PIP5K1B: variants seen among roughly 807,000 people sequenced by gnomAD.
PIP5K1B encodes phosphatidylinositol-4-phosphate 5-kinase type 1 beta, also known as phosphatidylinositol 4-phosphate 5-kinase type-1 beta.
In PIP5K1B, 42 loss-of-function variants were observed where a neutral mutation model predicts 67.0. That is an observed-to-expected ratio of 0.63 (90% confidence interval 0.49 to 0.81). The LOEUF is 0.81. Among genes scored for constraint, PIP5K1B ranks in the 30% least tolerant of loss-of-function variants. The pLI is 0.00. For missense variants in PIP5K1B, 459 were observed against 646.3 expected (o/e 0.71, Z 3.14); for synonymous variants, 214 against 231.4 (o/e 0.92, Z 0.68).
chr9:68,999,276 C>T (rs989640369), intron 15 of PIP5K1B, among the ~76,000 whole-genome samples: 1 of 152,144 alleles, frequency 6.6e-6, no homozygotes, highest in Non-Finnish European at 1.5e-5. Context: ...AATAAGGTTA[C>T]GGTCTGAGGC....
chr9:68,983,145 CTA>C (rs1256658349), intron 14 of PIP5K1B, among the ~76,000 whole-genome samples: 6 of 152,312 alleles, frequency 3.9e-5, no homozygotes, highest in African/African-American at 1.4e-4. Context: ...AAATGTGAGA[CTA>C]TAGCACTTGC....
intron 14 of PIP5K1B, among the ~76,000 whole-genome samples, chr9:68,948,503 A>C (rs1275748449): frequency 6.6e-6 from 1 of 151,998 alleles, no homozygotes; most frequent in South Asian, 2.1e-4. Context: ...AACACATCTG[A>C]GCATGGTGGC....
At chr9:68,838,625 G>T (rs1821756823) in intron 4 of PIP5K1B, among the ~76,000 whole-genome samples, 1 of 151,986 alleles carries the variant, frequency 6.6e-6, no homozygotes, top group Non-Finnish European at 1.5e-5. Flanking sequence ...GGGGAGCAAG[G>T]GTTGAAAAAA....
chr9:68,984,842 C>T (rs1830031063), intron 14 of PIP5K1B, among the ~76,000 whole-genome samples: 1 of 152,212 alleles, frequency 6.6e-6, no homozygotes, highest in Non-Finnish European at 1.5e-5. Context: ...TTTGCGTACA[C>T]TACTTTTGTT....
chr9:68,944,325 TA>T (rs1466332016), intron 14 of PIP5K1B, among the ~76,000 whole-genome samples: 1 of 152,244 alleles, frequency 6.6e-6, no homozygotes, highest in Non-Finnish European at 1.5e-5. Context: ...ACCTCAAAGT[TA>T]AGAACAATTT....
chr9:68,716,473 A>G (rs920820459), intron 1 of PIP5K1B, among the ~76,000 whole-genome samples: 1 of 152,230 alleles, frequency 6.6e-6, no homozygotes, highest in African/African-American at 2.4e-5. Flanking sequence ...CCCAAGAAAC[A>G]TGAAAAAATG....
At chr9:68,948,356 G>A (rs1227530023) in intron 14 of PIP5K1B, among the ~76,000 whole-genome samples, 5 of 152,190 alleles carry the variant, frequency 3.3e-5, no homozygotes, top group East Asian at 3.8e-4. Flanking sequence ...ACCTGGCTGC[G>A]AGTGATGGCT....
At chr9:68,962,876 T>C (rs7020192) in intron 14 of PIP5K1B, among the ~76,000 whole-genome samples, 44,260 of 151,990 alleles carry the variant, frequency 0.29, 7,716 homozygotes, top group East Asian at 0.52. Context: ...TCTCCTTCTC[T>C]AATGAAAACA....
At chr9:68,719,288 G>T (rs765547393) in intron 1 of PIP5K1B, among the ~76,000 whole-genome samples, 9 of 152,074 alleles carry the variant, frequency 5.9e-5, no homozygotes, top group Non-Finnish European at 1.0e-4. Flanking sequence ...TGAGTATTTT[G>T]GTAACAGCTT....
At chr9:68,732,462 G>C (rs879403176) in intron 1 of PIP5K1B, among the ~76,000 whole-genome samples, 1 of 152,048 alleles carries the variant, frequency 6.6e-6, no homozygotes, top group East Asian at 1.9e-4. Flanking sequence ...CTCTTCCCAC[G>C]TCTAACTTGT....
At chr9:68,893,456 C>G (rs1824912134) in intron 7 of PIP5K1B, among the ~76,000 whole-genome samples, 1 of 151,406 alleles carries the variant, frequency 6.6e-6, no homozygotes, top group Non-Finnish European at 1.5e-5. Flanking sequence ...GCCTCAGCCT[C>G]CCGAGTAGCT....
chr9:68,712,650 GGACAGTGCTTACGT>G (rs1229743374), intron 1 of PIP5K1B, among the ~76,000 whole-genome samples: 1 of 152,214 alleles, frequency 6.6e-6, no homozygotes, highest in Admixed American at 6.5e-5. Flanking sequence ...CAGACTGAGA[GGACAGTGCTTACGT>G]GTTAGCTATG....
chr9:68,727,893 C>A (rs949057819), intron 1 of PIP5K1B, among the ~76,000 whole-genome samples: 7 of 152,176 alleles, frequency 4.6e-5, no homozygotes, highest in African/African-American at 1.7e-4. Context: ...CTGAGGCCAT[C>A]CCCTAAAGAG....
intron 2 of PIP5K1B, chr9:68,780,079 G>GCCGTATCATTAAAAAACCT: frequency 2.3e-6 from 3 of 1,324,574 alleles, no homozygotes; most frequent in Non-Finnish European, 2.9e-6. Context: ...TCTCGGTGGC[G>GCCGTATCATTAAAAAACCT]GCGGCAGCGG....
At chr9:68,869,968 G>A (rs1483178234) in intron 5 of PIP5K1B, among the ~76,000 whole-genome samples, 1 of 152,084 alleles carries the variant, frequency 6.6e-6, no homozygotes, top group African/African-American at 2.4e-5. Flanking sequence ...ACTGCTGCTG[G>A]GCAAGCCATA....
At chr9:68,985,315 G>A (rs1046702401) in intron 14 of PIP5K1B, among the ~76,000 whole-genome samples, 7 of 150,886 alleles carry the variant, frequency 4.6e-5, no homozygotes, top group East Asian at 2.0e-4. Context: ...GCAATGGTGC[G>A]ATCTCGGCTC....
intron 1 of PIP5K1B, among the ~76,000 whole-genome samples, chr9:68,727,323 ACT>A (rs1828200735): frequency 6.6e-6 from 1 of 152,098 alleles, no homozygotes; most frequent in Non-Finnish European, 1.5e-5. Flanking sequence ...AGAGTTGATC[ACT>A]CTCACGAAGT....
At chr9:68,829,989 A>G (rs972246431) in intron 4 of PIP5K1B, among the ~76,000 whole-genome samples, 1 of 152,064 alleles carries the variant, frequency 6.6e-6, no homozygotes, top group Non-Finnish European at 1.5e-5. Flanking sequence ...TGGGCATGGG[A>G]GGTGAGCTGA....
At chr9:68,912,556 C>T (rs555195873) in intron 8 of PIP5K1B, among the ~76,000 whole-genome samples, 9 of 152,110 alleles carry the variant, frequency 5.9e-5, no homozygotes, top group Admixed American at 2.0e-4. Flanking sequence ...AGACTTGGCA[C>T]GGATTAACTC....
Sources: gnomAD v4.1 joint callset for allele counts (sites outside exome capture counted in the v4.1 genomes callset) on GRCh38, gnomAD v4.1.1 for gene constraint, MANE v1.5 for transcripts, NCBI Gene and HGNC (gene_info 2026-07-23, HGNC 2026-07-21) for gene names.